The following HK1 variants were observed in gnomAD, a reference collection of about 807,000 sequenced individuals.
HK1 encodes the protein hexokinase 1, also known as hexokinase-1.
In HK1, 28 loss-of-function variants were observed where a neutral mutation model predicts 91.6. The ratio of observed to expected loss-of-function variants is 0.31; its 90% confidence interval spans 0.23 to 0.42. The LOEUF is 0.42. Ranked by LOEUF, HK1 falls within the 10% of genes least tolerant of loss-of-function variation. The pLI, the probability that HK1 is intolerant of heterozygous loss-of-function variation, is 1.00. For missense variants in HK1, 770 were observed against 1,219.8 expected, an observed-to-expected ratio of 0.63 and a Z score of 5.49; for synonymous variants, 430 against 468.1, an observed-to-expected ratio of 0.92 and a Z score of 1.05.
intron 2 of HK1, among the ~76,000 whole-genome samples, chr10:69,285,428 C>T (rs1844982868): frequency 6.6e-6 from 1 of 151,974 alleles, no homozygotes; most frequent in African/African-American, 2.4e-5. Flanking sequence ...CATCTCAAAA[C>T]AACAACAAAA....
chr10:69,335,797 A>G (rs1396716101), intron 1 of HK1, among the ~76,000 whole-genome samples: 1 of 152,244 alleles, frequency 6.6e-6, no homozygotes, highest in Non-Finnish European at 1.5e-5. Flanking sequence ...ACAGGATGGC[A>G]GAGCCAGAAG....
upstream of HK1, among the ~76,000 whole-genome samples, chr10:69,313,863 G>A (rs1846507390): frequency 6.6e-6 from 1 of 151,942 alleles, no homozygotes; most frequent in Non-Finnish European, 1.5e-5. Flanking sequence ...ACATCAGGTG[G>A]GCCAAATAAA....
intron 3 of HK1, among the ~76,000 whole-genome samples, chr10:69,362,984 A>G (rs1849513175): frequency 6.6e-6 from 1 of 152,230 alleles, no homozygotes; most frequent in Non-Finnish European, 1.5e-5. Context: ...GTCCGACTTT[A>G]GAGCTGGCTT....
intron 7 of HK1, among the ~76,000 whole-genome samples, chr10:69,373,527 C>A (rs1427622039): frequency 2.0e-5 from 3 of 151,894 alleles, no homozygotes; most frequent in African/African-American, 7.2e-5. Flanking sequence ...TTGTCTTATA[C>A]TGTGGAGTTA....
chr10:69,281,794 C>T (rs1844765705), intron 1 of HK1, among the ~76,000 whole-genome samples: 2 of 152,008 alleles, frequency 1.3e-5, no homozygotes, highest in African/African-American at 4.8e-5. Context: ...GATTTTGTCC[C>T]CAAAGAATAA....
chr10:69,341,277 T>G lies in HK1; in HGVS notation c.64-2550T>G, dbSNP rs1484903313. Among the ~76,000 whole-genome samples, 16 of 152,006 alleles carry G rather than the reference T, an allele frequency of 1.1e-4. No individual in the cohort carries two copies. In the East Asian group the frequency reaches 2.7e-3, roughly 26 times the overall value. On this transcript the variant is annotated intron_variant, in intron 1 of 17. Transcript: ENST00000359426. ...CCCCAGCTCAGGCAATCCTCCCGCC[T>G]CAGTCTCCCGAGTAGCTGGGACTAC... is the stretch of plus-strand genomic sequence containing the variant.
intron 1 of HK1, among the ~76,000 whole-genome samples, chr10:69,282,231 CAT>C (rs1188901520): frequency 6.6e-6 from 1 of 152,218 alleles, no homozygotes; most frequent in East Asian, 1.9e-4. Context: ...GCTCAATGCA[CAT>C]GAGTGGCCAT....
At chr10:69,371,515 G>A (rs1249440567) in intron 7 of HK1, among the ~76,000 whole-genome samples, 1 of 152,162 alleles carries the variant, frequency 6.6e-6, no homozygotes, top group Non-Finnish European at 1.5e-5. Context: ...ACATTCCCAA[G>A]CACATGTGAC....
intron 5 of HK1, among the ~76,000 whole-genome samples, chr10:69,303,990 G>T (rs1315833976): frequency 6.6e-6 from 1 of 152,168 alleles, no homozygotes; most frequent in Non-Finnish European, 1.5e-5. Context: ...GGGGCCACAA[G>T]ATCAGATGAT....
At chr10:69,358,402 G>A (rs952900412) in intron 2 of HK1, among the ~76,000 whole-genome samples, 14 of 152,214 alleles carry the variant, frequency 9.2e-5, no homozygotes, top group African/African-American at 3.1e-4. Flanking sequence ...ACTCCCGAGG[G>A]AGGTAACCAT....
Position 69,309,016 on chromosome 10 carries a change from A to AGGATC in HK1, c.27+8155_27+8156insGGATC, listed in dbSNP as rs1846232384. 1.1e-4 allele frequency among the ~76,000 whole-genome samples: 17 copies of AGGATC among 152,254 alleles called. No individual in the cohort carries two copies. The South Asian group carries it at 2.9e-3, about 26-fold the overall frequency. The stretch of plus-strand genomic sequence containing the variant: ...ATAGGATATGAAAATCATACACCTA[A>AGGATC]AAAAGATCCTGGTCTGGCATGGTGG... On this transcript the variant is annotated intron_variant, in intron 5 of 21. Coordinates refer to the HK1 transcript ENST00000360289.
At position 69,380,983 on chromosome 10, in the gene HK1, A is replaced by T. The variant is rs7902486; in HGVS notation, c.1265+888A>T. Among the ~76,000 whole-genome samples, 2 of 152,138 alleles carry T rather than the reference A, an allele frequency of 1.3e-5. No homozygotes were observed. Among genetic ancestry groups the T allele is most frequent in the African/African-American group, 4.8e-5 (2 of 41,400 alleles). Reference sequence around the variant, plus strand: ...TGCACCTTCACACCCAGTTCTGTTGATGGCTCAAAGAATGTCGACTTCAAT... The same window carrying T: ...TGCACCTTCACACCCAGTTCTGTTGTTGGCTCAAAGAATGTCGACTTCAAT... On this transcript the variant is annotated intron_variant, in intron 9 of 17. Coordinates refer to ENST00000359426, the MANE Select transcript of HK1 (RefSeq NM_000188.3). The surrounding 1 kb of genome is among the most constrained non-coding windows in gnomAD (Gnocchi z 4.0).
At chr10:69,320,808 A>C in intron 1 of HK1, among the ~76,000 whole-genome samples, 1 of 151,638 alleles carries the variant, frequency 6.6e-6, no homozygotes, top group East Asian at 1.9e-4. Flanking sequence ...TGAGGTTTGG[A>C]CTCCATTCAG....
At chr10:69,391,462 C>T (rs909763217) in intron 14 of HK1, among the ~76,000 whole-genome samples, 1 of 152,162 alleles carries the variant, frequency 6.6e-6, no homozygotes, top group African/African-American at 2.4e-5. Context: ...GGCAACATGG[C>T]AAAACCCTAT....
At chr10:69,280,425 G>A (rs1844688283) in intron 1 of HK1, among the ~76,000 whole-genome samples, 1 of 152,292 alleles carries the variant, frequency 6.6e-6, no homozygotes, top group South Asian at 2.1e-4. Context: ...CCCGGAAAAG[G>A]TTTTTTAAAG....
chr10:69,372,912 AG>A (rs1034087671), intron 7 of HK1, among the ~76,000 whole-genome samples: 13 of 152,032 alleles, frequency 8.6e-5, no homozygotes, highest in South Asian at 6.2e-4. Flanking sequence ...TCTGTCACCC[AG>A]GCTGGAGTGC....
chr10:69,400,859 C>T (rs1184063413), intron 17 of HK1, 132 bp from the exon 18 acceptor site: 1 of 935,532 alleles, frequency 1.1e-6, no homozygotes, highest in South Asian at 1.3e-5. Flanking sequence ...TCCTGATAAA[C>T]CCATCACAAA....
chr10:69,275,732 T>C (rs1477304940), intron 1 of HK1, among the ~76,000 whole-genome samples: 1 of 152,208 alleles, frequency 6.6e-6, no homozygotes, highest in Non-Finnish European at 1.5e-5. Context: ...TACAAATTTA[T>C]TAAGACTTGC....
At chr10:69,301,591 A>AAAAAG (rs1564765280) in intron 5 of HK1, among the ~76,000 whole-genome samples, 13 of 150,544 alleles carry the variant, frequency 8.6e-5, no homozygotes, top group African/African-American at 2.9e-4. Context: ...AAAAAAAAAA[A>AAAAAG]AAAAGAAAAG....
Sources: allele counts gnomAD v4.1 joint callset (sites outside exome capture counted in the v4.1 genomes callset), GRCh38; gene constraint gnomAD v4.1.1; non-coding constraint Gnocchi (gnomAD v3.1); transcripts MANE v1.5; gene names NCBI Gene and HGNC (gene_info 2026-07-23, HGNC 2026-07-21).